Variants in SECTM1 observed in about 807,000 individuals in gnomAD.
SECTM1 encodes the protein secreted and transmembrane 1.
In SECTM1, 10 loss-of-function variants were observed where a neutral mutation model predicts 18.1. The observed-to-expected ratio is 0.55, with a 90% confidence interval of 0.34 to 0.94. The LOEUF is 0.94. SECTM1 is among the 40% of genes least tolerant of loss of function. The pLI, the probability that SECTM1 is intolerant of heterozygous loss-of-function variation, is 0.02. For missense variants in SECTM1, 297 were observed against 322.6 expected, an observed-to-expected ratio of 0.92 and a Z score of 0.61; for synonymous variants, 137 against 139.2, an observed-to-expected ratio of 0.98 and a Z score of 0.11.
intron 3 of SECTM1, 92 bp from the exon 4 acceptor site, chr17:82,323,103 A>G (rs1215386795): frequency 2.9e-6 from 4 of 1,399,768 alleles, no homozygotes; most frequent in African/African-American, 1.4e-5. Flanking sequence ...CCTCCTACAC[A>G]CTCCCTGGGG....
intron 4 of SECTM1, 86 bp from the exon 5 acceptor site, chr17:82,322,456 G>T: frequency 2.3e-6 from 3 of 1,293,860 alleles, no homozygotes; most frequent in Non-Finnish European, 3.3e-6. Flanking sequence ...CACACTCACG[G>T]GCATACGTGC....
chr17:82,322,090 G>A lies in SECTM1; in HGVS notation c.*71C>T, dbSNP rs887869167. On this transcript the variant is annotated 3_prime_UTR_variant, in exon 5 of 5. Coordinates refer to ENST00000269389, the MANE Select transcript of SECTM1 (RefSeq NM_003004.3). The stretch of plus-strand genomic sequence containing the variant: ...TCTGTGCCCTCCGGGTGGGACGAGA[G>A]ACCCAGGCCCCGCCACCCAAGGTCG... 18 of 1,500,296 alleles carry A rather than the reference G, an allele frequency of 1.2e-5. No individual in the cohort carries two copies. The highest frequency in any genetic ancestry group is 1.6e-5 in the Non-Finnish European group (17 of 1,083,142). The allele number at this position is 1,500,296 out of a possible 1,614,324, so 92.9% of individuals were successfully genotyped here.
intron 1 of SECTM1, among the ~76,000 whole-genome samples, chr17:82,332,378 G>A (rs1206621468): frequency 2.0e-5 from 3 of 152,172 alleles, no homozygotes; most frequent in African/African-American, 4.8e-5. Flanking sequence ...CCCGCTCCCT[G>A]GTGCCCCGGG....
chr17:82,322,787 G>A, intron 4 of SECTM1, 91 bp downstream of exon 4: 6 of 1,463,930 alleles, frequency 4.1e-6, no homozygotes, highest in Non-Finnish European at 5.6e-6. Context: ...TGGAGCCCCA[G>A]CAGGTGCAGG....
intron 1 of SECTM1, among the ~76,000 whole-genome samples, chr17:82,333,193 C>T (rs1335488381): frequency 1.3e-5 from 2 of 152,232 alleles, no homozygotes; most frequent in East Asian, 3.8e-4. Context: ...CTTGTGTGCA[C>T]GCATATGAGC....
At chr17:82,324,516 G>A in intron 3 of SECTM1, 66 bp downstream of exon 3, 415 of 200,782 alleles carry the variant, frequency 2.1e-3, no homozygotes, top group South Asian at 7.4e-3. Flanking sequence ...CCCCTGCCCA[G>A]GCCCCCTCCC....
In SECTM1 at chr17:82,325,891, C is replaced by T. The variant is rs2052141723; in HGVS notation, c.95-1001G>A. Among the ~76,000 whole-genome samples, 1 of 152,244 alleles carries T rather than the reference C, an allele frequency of 6.6e-6. No individual in the cohort carries two copies. The highest frequency in any genetic ancestry group is 1.5e-5 in the Non-Finnish European group (1 of 68,044). On this transcript the variant is annotated intron_variant, in intron 2 of 4. Transcript: ENST00000269389. This position sits in a 1 kb window ranked among gnomAD's most constrained non-coding sequence, Gnocchi z 7.6. ...GGAGCCGCCATTTGGCCACATTTCA[C>T]CAAATACAAAACCACATGGTGGGTG...
At chr17:82,327,728 G>A (rs188410658) in intron 1 of SECTM1, among the ~76,000 whole-genome samples, 56 of 152,128 alleles carry the variant, frequency 3.7e-4, no homozygotes, top group African/African-American at 1.2e-3. Flanking sequence ...CCAATTTTCC[G>A]TCTACCTAGG....
Position 82,322,892 on chromosome 17 carries a change from G to A in SECTM1, c.523C>T (p.Gln175Ter), listed in dbSNP as rs139132437. ...GGGCCTCCTACCTCCCGGCGTTGCT[G>A]GGAACAGCGGCACCTGTACCAGGCG... ...MFAWYRCRCS[Q>*]QRREKKFFLL... The change falls in exon 4 of 5, where the codon CAG becomes TAG. Residue 175 changes from glutamine to a stop codon, truncating the protein, a stop_gained. Coordinates refer to ENST00000269389, the MANE Select transcript of SECTM1 (RefSeq NM_003004.3). LOFTEE classifies it low-confidence loss of function (END_TRUNC). 2,723 of 1,613,768 alleles carry A rather than the reference G, an allele frequency of 1.7e-3. 5 individuals are homozygous for A. The highest frequency in any genetic ancestry group is 2.1e-3 in the Middle Eastern group (13 of 6,060).
Position 82,322,365 on chromosome 17 carries a change from C to G in SECTM1, c.543G>C (p.Lys181Asn). 1 of 1,613,614 alleles carries G rather than the reference C, an allele frequency of 6.2e-7. No individual in the cohort carries two copies. Among genetic ancestry groups the G allele is most frequent in the Non-Finnish European group, 8.5e-7 (1 of 1,179,786 alleles). ...CRCSQQRREK[K>N]FFLLEPQMKV... is the part of the protein sequence containing the mutation. ...TCATCTGGGGTTCTAGGAGGAAGAA[C>G]TTCTTCTGCAGGGGGAGGAAGGAGG... Residue 181 changes from lysine to asparagine, a missense_variant, in exon 5 of 5, where the codon AAG (lysine) becomes AAC (asparagine). Lys to Asn is a moderately conservative substitution (Grantham distance 94). Transcript: ENST00000269389.
Position 82,324,759 on chromosome 17 carries a change from C to G in SECTM1, c.226G>C (p.Ala76Pro). Reference protein sequence around the residue: ...IKLRAHGQESAIFNEVAPGYF... With the variant: ...IKLRAHGQESPIFNEVAPGYF... ...CCTGGAGCCACCTCATTGAAGATGGCGCTCTCCTGCCCGTGGGCACGCAGC... is the reference window on the plus strand; with the variant it reads ...CCTGGAGCCACCTCATTGAAGATGGGGCTCTCCTGCCCGTGGGCACGCAGC... Residue 76 changes from alanine (A) to proline (P), a missense_variant, in exon 3 of 5, where the codon GCC becomes CCC. Physicochemically the swap from Ala to Pro is conservative, Grantham distance 27. Transcript: ENST00000269389. The G allele has an allele frequency of 4.3e-6, 7 of 1,614,064 alleles. No homozygotes were observed. Among genetic ancestry groups the G allele is most frequent in the Non-Finnish European group, 5.9e-6 (7 of 1,180,000 alleles).
intron 1 of SECTM1, among the ~76,000 whole-genome samples, chr17:82,333,064 G>A (rs2052204784): frequency 6.6e-6 from 1 of 152,266 alleles, no homozygotes; most frequent in Non-Finnish European, 1.5e-5. Flanking sequence ...CCTGCCGGGT[G>A]AGGGAAGCCT....
rs567357624 is a variant in SECTM1 at position 82,325,827 on chromosome 17, G to A, written c.95-937C>T. 2.4e-4 allele frequency among the ~76,000 whole-genome samples: 36 copies of A among 152,350 alleles called. No individual in the cohort carries two copies. In the East Asian group the frequency reaches 4.0e-3, roughly 17 times the overall value. The stretch of plus-strand genomic sequence containing the variant: ...CGGACGGATGGACGGACAGACGGAC[G>A]GCAGGGTGAGCTCTCGGGGAGCACA... On this transcript the variant is annotated intron_variant, in intron 2 of 4. Coordinates refer to ENST00000269389, the MANE Select transcript of SECTM1 (RefSeq NM_003004.3). The surrounding 1 kb of genome is among the most constrained non-coding windows in gnomAD (Gnocchi z 7.6).
Position 82,324,559 on chromosome 17 carries a change from TGCTTCCCCGA to T in SECTM1, c.403+13_403+22del. 8.6e-7 allele frequency: 1 copy of T among 1,168,220 alleles called. No individual in the cohort carries two copies. Among genetic ancestry groups the T allele is most frequent in the Non-Finnish European group, 1.1e-6 (1 of 882,366 alleles). The allele number at this position is 1,168,220 out of a possible 1,614,324, so 72.4% of individuals were successfully genotyped here. On this transcript the variant is annotated intron_variant, in intron 3 of 4. Transcript: ENST00000269389. ...TGTCCCCTCTCACTCCCCTCCCCCT[TGCTTCCCCGA>T]GCCTCCCCTCACCTGAAACCTCCAG...
chr17:82,331,283 C>A (rs1368206672), intron 1 of SECTM1, among the ~76,000 whole-genome samples: 6 of 152,274 alleles, frequency 3.9e-5, no homozygotes, highest in South Asian at 2.1e-4. Context: ...TGGGGGGAGA[C>A]CGGGAGGAGA....
intron 1 of SECTM1, among the ~76,000 whole-genome samples, chr17:82,331,499 T>C (rs1278601317): frequency 1.3e-5 from 2 of 152,232 alleles, no homozygotes; most frequent in Non-Finnish European, 2.9e-5. Context: ...CAACCAATGA[T>C]GTCCTGGTGA....
At position 82,324,832 on chromosome 17, in the gene SECTM1, G is replaced by C. The variant is rs558096295; in HGVS notation, c.153C>G (p.Thr51=). ...CGTTGGAGATGTTGCAGGACATGACGGTGTTCTCGCCCCAAGACACAGAGA... is the reference window on the plus strand; with the variant it reads ...CGTTGGAGATGTTGCAGGACATGACCGTGTTCTCGCCCCAAGACACAGAGA... ...GVVSVSWGEN[T]VMSCNISNAF... Residue 51 remains threonine (T), a synonymous_variant, in exon 3 of 5, where the codon ACC becomes ACG. Transcript: ENST00000269389. The C allele has an allele frequency of 2.0e-5, 32 of 1,613,906 alleles. No individual in the cohort carries two copies. Among genetic ancestry groups the C allele is most frequent in the Non-Finnish European group, 2.5e-5 (30 of 1,180,002 alleles).
In SECTM1 at chr17:82,330,186, G is replaced by C. The variant is rs1375397683; in HGVS notation, c.-52-2894C>G. ...GAACCGTGCAGATGGACAGCAGGGA[G>C]GGTCGGGGCTGCTGGGGGCTCCCCC... On this transcript the variant is annotated intron_variant, in intron 1 of 4. Transcript: ENST00000269389. This position sits in a 1 kb window ranked among gnomAD's most constrained non-coding sequence, Gnocchi z 6.1. Among the ~76,000 whole-genome samples, 1 of 152,178 alleles carries C rather than the reference G, an allele frequency of 6.6e-6. No individual in the cohort carries two copies. Among genetic ancestry groups the C allele is most frequent in the Non-Finnish European group, 1.5e-5 (1 of 68,008 alleles).
rs1349142942 is a variant in SECTM1 at position 82,330,573 on chromosome 17, T to A, written c.-53+3127A>T. Among the ~76,000 whole-genome samples, 2 of 152,124 alleles carry A rather than the reference T, an allele frequency of 1.3e-5. No individual in the cohort carries two copies. The highest frequency in any genetic ancestry group is 2.9e-5 in the Non-Finnish European group (2 of 68,008). On this transcript the variant is annotated intron_variant, in intron 1 of 4. Coordinates refer to ENST00000269389, the MANE Select transcript of SECTM1 (RefSeq NM_003004.3). This position sits in a 1 kb window ranked among gnomAD's most constrained non-coding sequence, Gnocchi z 6.1. ...CCCCCAAGGGCCAGCTGCACGCACC[T>A]GGCTTCATGCCAAGCTCCTCCCGCC...
Sources: allele counts gnomAD v4.1 joint callset (sites outside exome capture counted in the v4.1 genomes callset), GRCh38; gene constraint gnomAD v4.1.1; non-coding constraint Gnocchi (gnomAD v3.1); transcripts MANE v1.5; gene names NCBI Gene and HGNC (gene_info 2026-07-23, HGNC 2026-07-21).